Variants in FBLN2 observed in about 807,000 individuals in gnomAD.
FBLN2 encodes the protein fibulin-2.
FBLN2 carries 81 observed loss-of-function variants against 123.7 expected under a neutral mutation model. The observed-to-expected ratio is 0.65, with a 90% CI of 0.55 to 0.79. The LOEUF is 0.79. Ranked by LOEUF, FBLN2 falls within the 30% of genes least tolerant of loss-of-function variation. The pLI, the probability that FBLN2 is intolerant of heterozygous loss-of-function variation, is 0.00. For synonymous variants in FBLN2, 699 were observed against 701.4 expected (o/e 1.00, Z 0.05); for missense variants, 1,603 against 1,681.3 (o/e 0.95, Z 0.81).
chr3:13,614,330 C>G (rs1705505528), intron 5 of FBLN2, among the ~76,000 whole-genome samples, 166 bp downstream of exon 5: 1 of 152,292 alleles, frequency 6.6e-6, no homozygotes, highest in Middle Eastern at 3.4e-3. Flanking sequence ...GGACTACCCA[C>G]TCCACCAACT....
chr3:13,629,433 G>T, intron 13 of FBLN2, 141 bp downstream of exon 13: 2 of 1,200,964 alleles, frequency 1.7e-6, no homozygotes, highest in Non-Finnish European at 2.3e-6. Context: ...CCTTCCAGCT[G>T]GCCTCATCCT....
intron 5 of FBLN2, among the ~76,000 whole-genome samples, chr3:13,614,631 CAATT>C (rs1206121281): frequency 7.6e-6 from 1 of 130,912 alleles, no homozygotes; most frequent in Admixed American, 8.1e-5. Context: ...CCTACCCACC[CAATT>C]ATCCATCCAT....
At chr3:13,590,353 TCTCA>T (rs1387915533) in intron 2 of FBLN2, among the ~76,000 whole-genome samples, 2 of 149,800 alleles carry the variant, frequency 1.3e-5, no homozygotes, top group African/African-American at 4.9e-5. Context: ...CGAGACAGAG[TCTCA>T]CTCTGTTGCC....
chr3:13,570,395 C>A lies in FBLN2; in HGVS notation c.40C>A (p.Leu14Met). ...GGAGCCTGCAGGAGCCTGGCTTGCT[C>A]TGGGCCTGGCCCTGGCCCTGGGCCC... ...LWEPAGAWLALGLALALGPSV... is the reference protein window; with the variant it reads ...LWEPAGAWLAMGLALALGPSV... The change falls in exon 2 of 18, where the codon CTG (leucine) becomes ATG (methionine). Residue 14 changes from leucine to methionine, a missense_variant. Leu to Met is a conservative substitution (Grantham distance 15). Coordinates refer to ENST00000404922, the MANE Select transcript of FBLN2 (RefSeq NM_001004019.2). 1 of 1,578,084 alleles carries A rather than the reference C, an allele frequency of 6.3e-7. No homozygotes were observed. Among genetic ancestry groups the A allele is most frequent in the Non-Finnish European group, 8.6e-7 (1 of 1,163,178 alleles).
At chr3:13,549,983 C>T (rs763840573) in intron 1 of FBLN2, among the ~76,000 whole-genome samples, 2 of 152,248 alleles carry the variant, frequency 1.3e-5, no homozygotes, top group Non-Finnish European at 2.9e-5. Context: ...ACACGTCCGC[C>T]ACACAGGGGT....
intron 5 of FBLN2, among the ~76,000 whole-genome samples, chr3:13,615,774 G>C (rs1705578173): frequency 6.6e-6 from 1 of 152,222 alleles, no homozygotes; most frequent in African/African-American, 2.4e-5. Context: ...GCACATGCCG[G>C]GTCTTTGGCA....
intron 1 of FBLN2, among the ~76,000 whole-genome samples, chr3:13,568,506 C>T (rs13084387): frequency 0.66 from 100,366 of 151,838 alleles, 33,997 homozygotes; most frequent in East Asian, 0.9. Flanking sequence ...CTTACAGGCA[C>T]GCCCAGAGGC....
Position 13,571,541 on chromosome 3 carries a change from G to A in FBLN2, c.1186G>A (p.Ala396Thr), listed in dbSNP as rs750832080. Residue 396 changes from alanine (A) to threonine (T), a missense_variant, in exon 2 of 18, where the codon GCA becomes ACA. Coordinates refer to ENST00000404922, the MANE Select transcript of FBLN2 (RefSeq NM_001004019.2). ...CATCCTGTCCACATCACTGCCTGATGCAGCCTGGATCCCACCCACCCGAGA... is the reference window on the plus strand; with the variant it reads ...CATCCTGTCCACATCACTGCCTGATACAGCCTGGATCCCACCCACCCGAGA... ...HNILSTSLPD[A>T]AWIPPTREVP... is the part of the protein sequence containing the mutation. 1.2e-6 allele frequency: 2 copies of A among 1,613,630 alleles called. No homozygotes were observed. The highest frequency in any genetic ancestry group is 1.7e-6 in the Non-Finnish European group (2 of 1,179,836).
chr3:13,570,204 G>T (rs532181265), intron 1 of FBLN2, 111 bp from the exon 2 acceptor site: 3 of 1,159,400 alleles, frequency 2.6e-6, no homozygotes, highest in Non-Finnish European at 3.5e-6. Flanking sequence ...GGGGATGAGC[G>T]CATGCGTGTG....
chr3:13,576,414 C>T (rs1378339030), intron 2 of FBLN2, among the ~76,000 whole-genome samples: 1 of 152,316 alleles, frequency 6.6e-6, no homozygotes, highest in East Asian at 1.9e-4. Context: ...ATGCTCAGAG[C>T]TGACACCTGA....
At chr3:13,602,238 C>T (rs756076270) in intron 2 of FBLN2, among the ~76,000 whole-genome samples, 13 of 152,326 alleles carry the variant, frequency 8.5e-5, no homozygotes, top group Middle Eastern at 3.4e-3. Flanking sequence ...CCACCTTCAT[C>T]ATATATTCAA....
Position 13,570,383 on chromosome 3 carries a change from G to A in FBLN2, c.28G>A (p.Ala10Thr), listed in dbSNP as rs1703892775. The change falls in exon 2 of 18, where the codon GCC becomes ACC. Residue 10 changes from alanine (A) to threonine (T), a missense_variant. Transcript: ENST00000404922. ...GGTGCTGCTCTGGGAGCCTGCAGGA[G>A]CCTGGCTTGCTCTGGGCCTGGCCCT... is the stretch of plus-strand genomic sequence containing the variant. MVLLWEPAG[A>T]WLALGLALAL... 3.8e-6 allele frequency: 6 copies of A among 1,573,742 alleles called. No individual in the cohort carries two copies. Among genetic ancestry groups the A allele is most frequent in the Non-Finnish European group, 4.3e-6 (5 of 1,159,582 alleles).
Position 13,571,387 on chromosome 3 carries a change from C to T in FBLN2, c.1032C>T (p.Ala344=), listed in dbSNP as rs1345186142. 6.2e-7 allele frequency: 1 copy of T among 1,612,946 alleles called. No individual in the cohort carries two copies. The highest frequency in any genetic ancestry group is 8.5e-7 in the Non-Finnish European group (1 of 1,179,584). ...CTGAAGAGAACCTCATCCTGGATGC[C>T]CAAGCCACGTCCCGCAGCACTGGGC... The part of the protein sequence containing the change: ...ARPEENLILD[A]QATSRSTGPE... Residue 344 remains alanine, a synonymous_variant, in exon 2 of 18, where the codon GCC becomes GCT. Transcript: ENST00000404922.
At chr3:13,616,025 G>C (rs11128651) in intron 5 of FBLN2, among the ~76,000 whole-genome samples, 4,214 of 152,318 alleles carry the variant, frequency 0.028, 78 homozygotes, top group Non-Finnish European at 0.039. Context: ...TGGGAGAACA[G>C]ATACCTGGAT....
At chr3:13,553,363 G>A (rs575335816) in intron 1 of FBLN2, among the ~76,000 whole-genome samples, 4 of 152,260 alleles carry the variant, frequency 2.6e-5, no homozygotes, top group East Asian at 1.9e-4. Flanking sequence ...TGACAGGGCC[G>A]GGAAACTGAG....
rs1364109668 is a variant in FBLN2, at chr3:13,571,079, A to G, written c.724A>G (p.Ile242Val). The G allele has an allele frequency of 1.9e-5, 30 of 1,554,504 alleles. No individual in the cohort carries two copies. Among genetic ancestry groups the G allele is most frequent in the Non-Finnish European group, 2.3e-5 (27 of 1,149,582 alleles). ...LGGGSQPLSTIQAPPWPAVLP... is the reference protein window; with the variant it reads ...LGGGSQPLSTVQAPPWPAVLP... ...AGGTGGGAGTCAGCCACTGTCCACCATCCAGGCACCCCCCTGGCCAGCTGT... is the reference window on the plus strand; with the variant it reads ...AGGTGGGAGTCAGCCACTGTCCACCGTCCAGGCACCCCCCTGGCCAGCTGT... Residue 242 changes from isoleucine to valine, a missense_variant, in exon 2 of 18, where the codon ATC becomes GTC. By Grantham distance (29) the Ile-to-Val change is conservative (BLOSUM62 3). Coordinates refer to ENST00000404922, the MANE Select transcript of FBLN2 (RefSeq NM_001004019.2).
rs1221720287 is a variant in FBLN2, at chr3:13,571,149, C to T, written c.794C>T (p.Pro265Leu). Residue 265 changes from proline (P) to leucine (L), a missense_variant, in exon 2 of 18, where the codon CCA (proline) becomes CTA (leucine). Coordinates refer to ENST00000404922, the MANE Select transcript of FBLN2 (RefSeq NM_001004019.2). Reference protein sequence around the residue: ...TAAAALGPPAPVQAKARRVTE... With the variant: ...TAAAALGPPALVQAKARRVTE... The stretch of plus-strand genomic sequence containing the variant: ...GCTGCTGCCCTGGGTCCCCCAGCCC[C>T]AGTGCAGGCCAAAGCTAGGAGAGTG... 2 of 1,556,482 alleles carry T rather than the reference C, an allele frequency of 1.3e-6. No individual in the cohort carries two copies. Among genetic ancestry groups the T allele is most frequent in the Non-Finnish European group, 1.7e-6 (2 of 1,150,848 alleles).
chr3:13,631,564 C>T (rs1706260245), intron 16 of FBLN2, 107 bp downstream of exon 16: 1 of 1,336,602 alleles, frequency 7.5e-7, no homozygotes, highest in African/African-American at 1.5e-5. Flanking sequence ...GCCCCCACAC[C>T]CAGTGAATAA....
intron 9 of FBLN2, among the ~76,000 whole-genome samples, chr3:13,625,318 C>T (rs1705999613): frequency 6.6e-6 from 1 of 152,160 alleles, no homozygotes; most frequent in Non-Finnish European, 1.5e-5. Context: ...TATGCGTCCT[C>T]TCTCTCCTTC....
Sources: gnomAD v4.1 joint callset for allele counts (sites outside exome capture counted in the v4.1 genomes callset) on GRCh38, gnomAD v4.1.1 for gene constraint, MANE v1.5 for transcripts, NCBI Gene and HGNC (gene_info 2026-07-23, HGNC 2026-07-21) for gene names.